ZFP62: variants seen among roughly 807,000 people sequenced by gnomAD.
ZFP62 encodes the protein ZFP62 zinc finger protein, also known as zinc finger protein 62 homolog.
Under a neutral mutation model 56.4 loss-of-function variants are expected in ZFP62, and 44 were observed. The ratio of observed to expected loss-of-function variants is 0.78; its 90% confidence interval spans 0.61 to 1.00. ZFP62 has a LOEUF of 1.00. ZFP62 is among the 50% of genes least tolerant of loss of function. The probability of loss-of-function intolerance (pLI) is 0.00; values close to 1 mark genes in which losing one functional copy is unlikely to be tolerated. For synonymous variants in ZFP62, 421 were observed against 388.9 expected, an observed-to-expected ratio of 1.08 and a Z score of -0.97; for missense variants, 1,030 against 1,085.7, an observed-to-expected ratio of 0.95 and a Z score of 0.72.
Position 180,850,950 on chromosome 5 carries a change from G to C in ZFP62, c.545C>G (p.Ser182Trp), listed in dbSNP as rs1248347397. ...GATCCGTTTGTGGACCCGAAGGCTC[G>C]AGCTGCTCCGGAAAGTCCCTCCACA... The part of the protein sequence containing the change: ...DDCGGTFRSS[S>W]SLRVHKRIHT... Residue 182 changes from serine to tryptophan, a missense_variant, in exon 2 of 2, where the codon TCG becomes TGG. By Grantham distance (177) the Ser-to-Trp change is radical. Transcript: ENST00000502412. 6.4e-7 allele frequency: 1 copy of C among 1,554,462 alleles called. No individual in the cohort carries two copies. The highest frequency in any genetic ancestry group is 8.7e-7 in the Non-Finnish European group (1 of 1,149,186).
At chr5:180,835,933 C>T in the ZFP62 span, among the ~76,000 whole-genome samples, 1 of 152,260 alleles carries the variant, frequency 6.6e-6, no homozygotes, top group Non-Finnish European at 1.5e-5. Flanking sequence ...TTTTGGTCAG[C>T]AGCAGGCTGC....
At position 180,847,624 on chromosome 5, in the gene ZFP62, A is replaced by T; in HGVS notation, c.*1168T>A. 1 of 985,354 alleles carries T rather than the reference A, an allele frequency of 1.0e-6. No individual in the cohort carries two copies. The highest frequency in any genetic ancestry group is 1.2e-6 in the Non-Finnish European group (1 of 829,926). 61.0% of individuals were successfully genotyped at this position (985,354 alleles called of 1,614,324 possible). ...ACTCACAGCCCGTTTTGATTTAAGGAATTTCTTTATTGGAATTCCACTTTA... is the reference window on the plus strand; with the variant it reads ...ACTCACAGCCCGTTTTGATTTAAGGTATTTCTTTATTGGAATTCCACTTTA... On this transcript the variant is annotated 3_prime_UTR_variant, in exon 2 of 2. Transcript: ENST00000502412.
At chr5:180,831,399 T>G in the ZFP62 span, 46 of 150,496 alleles carry the variant, frequency 3.1e-4, 1 homozygote, top group African/African-American at 1.1e-3. Flanking sequence ...TCGCGCAGCT[T>G]CCTGGTTTCG....
At chr5:180,827,869 G>A in the ZFP62 span, among the ~76,000 whole-genome samples, 107,049 of 152,210 alleles carry the variant, frequency 0.7, 41,163 homozygotes, top group East Asian at 0.95. Flanking sequence ...GGACATGCGG[G>A]CAGCAATACT....
At chr5:180,840,535 G>A in the ZFP62 span, among the ~76,000 whole-genome samples, 3 of 152,080 alleles carry the variant, frequency 2.0e-5, no homozygotes, top group African/African-American at 7.2e-5. Context: ...GAGGCAGGTG[G>A]ATCATAAGGT....
At chr5:180,859,583 T>C (rs996738617) in intron 1 of ZFP62, among the ~76,000 whole-genome samples, 1 of 152,140 alleles carries the variant, frequency 6.6e-6, no homozygotes, top group African/African-American at 2.4e-5. Context: ...TCATGCCAAG[T>C]AGTGGAGAAG....
chr5:180,851,605 T>TGTGTGACAGGTACC, intron 1 of ZFP62, 112 bp from the exon 2 acceptor site: 1 of 1,216,274 alleles, frequency 8.2e-7, no homozygotes, highest in South Asian at 1.6e-5. Flanking sequence ...GACAACATAC[T>TGTGTGACAGGTACC]GTGTGACAGG....
downstream of ZFP62, among the ~76,000 whole-genome samples, chr5:180,847,118 G>T (rs1312651554): frequency 6.6e-6 from 1 of 152,184 alleles, no homozygotes; most frequent in African/African-American, 2.4e-5. Context: ...AAGGAGATGG[G>T]AAACTACATG....
At chr5:180,841,320 C>CACAT in the ZFP62 span, among the ~76,000 whole-genome samples, 6 of 149,980 alleles carry the variant, frequency 4.0e-5, no homozygotes, top group African/African-American at 1.5e-4. Context: ...TACATACACA[C>CACAT]ATATATATAT....
the ZFP62 span, chr5:180,834,981 T>G: frequency 6.6e-6 from 1 of 151,952 alleles, no homozygotes; most frequent in East Asian, 2.0e-4. Context: ...AAGACTGCCA[T>G]CTGCAAACCA....
chr5:180,847,005 G>T (rs978949701), downstream of ZFP62, among the ~76,000 whole-genome samples: 1 of 152,064 alleles, frequency 6.6e-6, no homozygotes, highest in Non-Finnish European at 1.5e-5. Flanking sequence ...CTTCCCCACC[G>T]CAGCCATCAA....
rs1245930925 is a variant in ZFP62 at position 180,850,712 on chromosome 5, G to C, written c.783C>G (p.Ala261=). 3.1e-6 allele frequency: 5 copies of C among 1,605,824 alleles called. No individual in the cohort carries two copies. The highest frequency in any genetic ancestry group is 1.3e-5 in the African/African-American group (1 of 74,566). The part of the protein sequence containing the change: ...KPYECGECGK[A]FRNSSGLRVH... ...CTCTGAGCCCAGAGCTGTTCCTGAA[G>C]GCCTTCCCACACTCACCACATTCAT... is the stretch of plus-strand genomic sequence containing the variant. The change falls in exon 2 of 2, where the codon GCC becomes GCG. Residue 261 remains alanine (A), a synonymous_variant. Coordinates refer to ENST00000502412, the MANE Select transcript of ZFP62 (RefSeq NM_001172638.2).
chr5:180,846,064 G>T (rs891584790), downstream of ZFP62, among the ~76,000 whole-genome samples: 12 of 152,248 alleles, frequency 7.9e-5, no homozygotes, highest in East Asian at 1.9e-3. Context: ...GGAACCGGGG[G>T]TGGTGCCTAA....
chr5:180,833,546 A>C, the ZFP62 span, among the ~76,000 whole-genome samples: 1 of 152,010 alleles, frequency 6.6e-6, no homozygotes, highest in Non-Finnish European at 1.5e-5. Flanking sequence ...AGGATACAGT[A>C]AGAGGGCAGC....
In ZFP62 at chr5:180,861,268, G is replaced by T; in HGVS notation, c.-49C>A. ...CCGGCCGCCAGCGGGACAAAAGCGC[G>T]GACCGCACGGCCGGAAGAACCCGCG... On this transcript the variant is annotated 5_prime_UTR_variant, in exon 1 of 2. Transcript: ENST00000502412. 1 of 397,510 alleles carries T rather than the reference G, an allele frequency of 2.5e-6. No homozygotes were observed. Among genetic ancestry groups the T allele is most frequent in the Non-Finnish European group, 4.4e-6 (1 of 225,274 alleles). The allele number at this position is 397,510 out of a possible 1,614,324, so 24.6% of individuals were successfully genotyped here.
Position 180,850,097 on chromosome 5 carries a change from G to A in ZFP62, c.1398C>T (p.Val466=), listed in dbSNP as rs1314681054. 13 of 1,551,638 alleles carry A rather than the reference G, an allele frequency of 8.4e-6. No homozygotes were observed. The South Asian group carries it at 1.4e-4, about 17-fold the overall frequency. The change falls in exon 2 of 2, where the codon GTC becomes GTT. Residue 466 remains valine (V), a synonymous_variant. Coordinates refer to ENST00000502412, the MANE Select transcript of ZFP62 (RefSeq NM_001172638.2). ...TTTCCCCAGTATGGAGCCTCCTGTG[G>A]ACTTTGAGGCCTGCATTGTTTCTGA... ...KTFRNNAGLK[V]HRRLHTGEKP...
At chr5:180,852,554 CAAAAAA>C (rs36030316) in intron 1 of ZFP62, among the ~76,000 whole-genome samples, 2 of 109,446 alleles carry the variant, frequency 1.8e-5, no homozygotes, top group Admixed American at 9.6e-5. Flanking sequence ...CTCCGTCTCA[CAAAAAA>C]AAAAAAAAAA....
chr5:180,852,075 A>G (rs1773741362), intron 1 of ZFP62: 1 of 963,274 alleles, frequency 1.0e-6, no homozygotes, highest in East Asian at 1.1e-4. Flanking sequence ...ATATTAAAAT[A>G]TATTATTAAA....
the ZFP62 span, among the ~76,000 whole-genome samples, chr5:180,840,131 G>C: frequency 6.6e-6 from 1 of 152,222 alleles, no homozygotes; most frequent in Admixed American, 6.5e-5. Flanking sequence ...TGCATCATGA[G>C]GGCGTGTTCC....
Sources: allele counts gnomAD v4.1 joint callset (sites outside exome capture counted in the v4.1 genomes callset), GRCh38; gene constraint gnomAD v4.1.1; transcripts MANE v1.5; gene names NCBI Gene and HGNC (gene_info 2026-07-23, HGNC 2026-07-21).